The following PEG3 variants were observed in gnomAD, a reference collection of about 807,000 sequenced individuals.
PEG3 encodes the protein paternally-expressed gene 3 protein.
PEG3 carries 23 observed loss-of-function variants against 35.5 expected under a neutral mutation model. The observed-to-expected ratio is 0.65, with a 90% CI of 0.47 to 0.92. The LOEUF is 0.92. PEG3 is among the 40% of genes least tolerant of loss of function. PEG3 has a pLI of 0.00. For missense variants in PEG3, 1,960 were observed against 1,985.3 expected (o/e 0.99, Z 0.24); for synonymous variants, 707 against 697.0 (o/e 1.01, Z -0.23).
rs145933493 is a variant in PEG3 at position 56,821,712 on chromosome 19, G to T, written c.608C>A (p.Thr203Lys). The T allele has an allele frequency of 3.0e-5, 49 of 1,613,884 alleles. No individual in the cohort carries two copies. The African/African-American group carries it at 6.1e-4, about 20-fold the overall frequency. Reference protein sequence around the residue: ...RDLSLPVVAKTSFEMDREDDR... With the variant: ...RDLSLPVVAKKSFEMDREDDR... ...GTCCTCTCTGTCCATTTCAAAGCTTGTTTTCGCCACCACAGGAAGGGAAAG... is the reference window on the plus strand; with the variant it reads ...GTCCTCTCTGTCCATTTCAAAGCTTTTTTTCGCCACCACAGGAAGGGAAAG... Residue 203 changes from threonine (T) to lysine (K), a missense_variant, in exon 7 of 10, where the codon ACA (threonine) becomes AAA (lysine). By Grantham distance (78) the Thr-to-Lys change is moderately conservative (BLOSUM62 -1). Around this residue, in one of 5 missense-constraint regions of PEG3, gnomAD observed 613 missense variants for 577.1 expected, o/e 1.06. Transcript: ENST00000326441.
In PEG3 at chr19:56,813,416, C is replaced by A. The variant is rs775223474; in HGVS notation, c.*259G>T. On this transcript the variant is annotated 3_prime_UTR_variant, in exon 10 of 10. Transcript: ENST00000326441. ...GTCTGGAATACTCATAGGGTTTTCT[C>A]AATCTGATTACTTGGAAAGGTAAGA... is the stretch of plus-strand genomic sequence containing the variant. 23 of 1,282,690 alleles carry A rather than the reference C, an allele frequency of 1.8e-5. No homozygotes were observed. Among genetic ancestry groups the A allele is most frequent in the Non-Finnish European group, 2.3e-5 (23 of 1,013,430 alleles). The allele number at this position is 1,282,690 out of a possible 1,614,324, so 79.5% of individuals were successfully genotyped here.
intron 2 of PEG3, chr19:56,833,419 C>G (rs2061768124): frequency 3.0e-6 from 1 of 337,152 alleles, no homozygotes; most frequent in African/African-American, 2.2e-5. Context: ...TCCTGCCTCT[C>G]TCTGCAGACC....
At chr19:56,833,179 T>A in intron 2 of PEG3, 2 of 517,326 alleles carry the variant, frequency 3.9e-6, no homozygotes, top group South Asian at 1.4e-5. Flanking sequence ...CCACATCCCA[T>A]CTGATGCAGG....
At position 56,810,177 on chromosome 19, in the gene PEG3, G is replaced by A; in HGVS notation, c.*3498C>T. ...AAAAACCTGTGCACAGAAACAAGAT[G>A]AAGAAAATATATCAAGATGTTAACC... On this transcript the variant is annotated 3_prime_UTR_variant, in exon 10 of 10. Coordinates refer to ENST00000326441, the MANE Select transcript of PEG3 (RefSeq NM_006210.3). The A allele has an allele frequency of 2.0e-6, 2 of 980,058 alleles. No individual in the cohort carries two copies. The highest frequency in any genetic ancestry group is 4.7e-5 in the South Asian group (1 of 21,184). The allele number at this position is 980,058 out of a possible 1,614,324, so 60.7% of individuals were successfully genotyped here.
At chr19:56,838,140 G>C (rs918106532) in intron 1 of PEG3, among the ~76,000 whole-genome samples, 1 of 152,174 alleles carries the variant, frequency 6.6e-6, no homozygotes, top group Non-Finnish European at 1.5e-5. Context: ...GACCCCGTCA[G>C]TCACTCAGTC....
At position 56,810,250 on chromosome 19, in the gene PEG3, C is replaced by T. The variant is rs184965266; in HGVS notation, c.*3425G>A. The T allele has an allele frequency of 1.0e-6, 1 of 983,554 alleles. No homozygotes were observed. Among genetic ancestry groups the T allele is most frequent in the African/African-American group, 1.7e-5 (1 of 57,324 alleles). The allele number at this position is 983,554 out of a possible 1,614,324, so 60.9% of individuals were successfully genotyped here. On this transcript the variant is annotated 3_prime_UTR_variant, in exon 10 of 10. Coordinates refer to ENST00000326441, the MANE Select transcript of PEG3 (RefSeq NM_006210.3). Reference sequence around the variant, plus strand: ...ATGGGTGAGTTTCTCTTCTACATTTCTGTAACTTCAAAGTTTCTATAATGA... The same window carrying T: ...ATGGGTGAGTTTCTCTTCTACATTTTTGTAACTTCAAAGTTTCTATAATGA...
At chr19:56,817,888 C>G in intron 8 of PEG3, 53 bp from the exon 9 acceptor site, 3 of 1,401,858 alleles carry the variant, frequency 2.1e-6, no homozygotes, top group Non-Finnish European at 3.0e-6. Flanking sequence ...AGGACCAAGA[C>G]TCATCACCAT....
rs1360328771 is a variant in PEG3, at chr19:56,815,090, C to T, written c.3352G>A (p.Asp1118Asn). Residue 1118 changes from aspartate (D) to asparagine (N), a missense_variant, in exon 10 of 10, where the codon GAT (aspartate) becomes AAT (asparagine). Transcript: ENST00000326441. Reference sequence around the variant, plus strand: ...TGATGGTCTGTGAGGTCTGTGAGATCCACAAAGCCCAGGCCACAGTCCTCA... The same window carrying T: ...TGATGGTCTGTGAGGTCTGTGAGATTCACAAAGCCCAGGCCACAGTCCTCA... ...ECEDCGLGFV[D>N]LTDLTDHQKV... The T allele has an allele frequency of 6.2e-7, 1 of 1,613,678 alleles. No homozygotes were observed. Among genetic ancestry groups the T allele is most frequent in the African/African-American group, 1.3e-5 (1 of 75,044 alleles).
In PEG3 at chr19:56,814,659, T is replaced by G. The variant is rs753741262; in HGVS notation, c.3783A>C (p.Glu1261Asp). Residue 1261 changes from glutamate to aspartate, a missense_variant, in exon 10 of 10, where the codon GAA becomes GAC. Around this residue, in one of 5 missense-constraint regions of PEG3, gnomAD observed 416 missense variants for 416.7 expected, o/e 1.00. Transcript: ENST00000326441. This position sits in a 1 kb window ranked among gnomAD's most constrained non-coding sequence, Gnocchi z 5.8. The part of the protein sequence containing the change: ...DLLEQSQMAE[E>D]AIIPGLALTE... ...TGAGGGCTAAGCCTGGAATGATAGC[T>G]TCCTCAGCCATCTGGCTCTGCTCCA... 1 of 1,614,152 alleles carries G rather than the reference T, an allele frequency of 6.2e-7. No homozygotes were observed. Among genetic ancestry groups the G allele is most frequent in the Non-Finnish European group, 8.5e-7 (1 of 1,180,018 alleles).
At position 56,817,136 on chromosome 19, in the gene PEG3, A is replaced by C. The variant is rs1218542154; in HGVS notation, c.1306T>G (p.Ser436Ala). The change falls in exon 10 of 10, where the codon TCC (serine) becomes GCC (alanine). Residue 436 changes from serine (S) to alanine (A), a missense_variant. Ser to Ala is a moderately conservative substitution (Grantham distance 99). Coordinates refer to ENST00000326441, the MANE Select transcript of PEG3 (RefSeq NM_006210.3). ...GGCTGTGACTCGGTAAAGGAGGGGG[A>C]GCTGAGGCTGCTCAGGCTGCTCACG... ...MSVSSLSSLS[S>A]PSFTESQPID... 2 of 1,613,990 alleles carry C rather than the reference A, an allele frequency of 1.2e-6. No individual in the cohort carries two copies. Among genetic ancestry groups the C allele is most frequent in the Non-Finnish European group, 8.5e-7 (1 of 1,179,956 alleles).
chr19:56,822,668 T>A, intron 6 of PEG3, 85 bp downstream of exon 6: 1 of 1,544,392 alleles, frequency 6.5e-7, no homozygotes, highest in Non-Finnish European at 8.8e-7. Flanking sequence ...AGCAGAAACT[T>A]CGAGGCCCTG....
intron 7 of PEG3, 91 bp downstream of exon 7, chr19:56,821,560 G>T: frequency 1.3e-6 from 2 of 1,495,108 alleles, no homozygotes. Flanking sequence ...GGACTCTAGG[G>T]GGCAGATAAA....
At chr19:56,836,354 G>A (rs1279686966) in intron 1 of PEG3, among the ~76,000 whole-genome samples, 2 of 152,074 alleles carry the variant, frequency 1.3e-5, no homozygotes, top group Non-Finnish European at 2.9e-5. Context: ...TCAATTTCTG[G>A]GGTGTCTTAC....
Position 56,814,984 on chromosome 19 carries a change from T to G in PEG3, c.3458A>C (p.Tyr1153Ser), listed in dbSNP as rs145519551. The G allele has an allele frequency of 6.8e-6, 11 of 1,614,100 alleles. No homozygotes were observed. In the East Asian group the frequency reaches 2.5e-4, roughly 36 times the overall value. The change falls in exon 10 of 10, where the codon TAT becomes TCT. Residue 1153 changes from tyrosine to serine, a missense_variant. Transcript: ENST00000326441. This position sits in a 1 kb window ranked among gnomAD's most constrained non-coding sequence, Gnocchi z 5.8. ...CTGCTCTCCAGTGTAATCTCTCTGA[T>G]ACTCGCTGATGGAATGGGTGTGAAT... is the stretch of plus-strand genomic sequence containing the variant. ...SVIHTHSISE[Y>S]QRDYTGEQLY...
At chr19:56,836,969 CAAAAAAAA>C (rs573566620) in intron 1 of PEG3, among the ~76,000 whole-genome samples, 4 of 116,986 alleles carry the variant, frequency 3.4e-5, no homozygotes, top group East Asian at 5.8e-4. Flanking sequence ...GACTCTGTCT[CAAAAAAAA>C]AAAAAAAAAA....
rs758242925 is a variant in PEG3 at position 56,815,401 on chromosome 19, T to G, written c.3041A>C (p.Asp1014Ala). 13 of 1,614,122 alleles carry G rather than the reference T, an allele frequency of 8.1e-6. No individual in the cohort carries two copies. The highest frequency in any genetic ancestry group is 1.1e-5 in the Non-Finnish European group (13 of 1,179,994). Reference sequence around the variant, plus strand: ...CTCTTGGGCGTAACTTGTTTGAGGGTCAGTAGGGGCCAAGCTGCGAATGAC... The same window carrying G: ...CTCTTGGGCGTAACTTGTTTGAGGGGCAGTAGGGGCCAAGCTGCGAATGAC... ...WSVIRSLAPT[D>A]PQTSYAQEQY... is the part of the protein sequence containing the mutation. Residue 1014 changes from aspartate to alanine, a missense_variant, in exon 10 of 10, where the codon GAC becomes GCC. By Grantham distance (126) the Asp-to-Ala change is moderately radical (BLOSUM62 -2). This residue lies in a region of PEG3 where 798 missense variants were observed against 782.4 expected (regional missense o/e 1.02). Coordinates refer to ENST00000326441, the MANE Select transcript of PEG3 (RefSeq NM_006210.3).
At chr19:56,836,643 G>A (rs1015164717) in intron 1 of PEG3, among the ~76,000 whole-genome samples, 9 of 152,106 alleles carry the variant, frequency 5.9e-5, no homozygotes, top group Non-Finnish European at 1.2e-4. Context: ...AGTCAGGTGG[G>A]CATATTTTGG....
chr19:56,839,285 C>T (rs1024873575), intron 1 of PEG3, among the ~76,000 whole-genome samples: 15 of 149,728 alleles, frequency 1.0e-4, no homozygotes, highest in East Asian at 6.0e-4. Flanking sequence ...TCTAGGTGGG[C>T]GGGGCCTGAG....
chr19:56,812,507 G>A lies in PEG3; in HGVS notation c.*1168C>T, dbSNP rs529608384. ...TAAGTTAGCGATAGAAAGATCTAAG[G>A]ATACTAGCTCCTGGGCACCTAGGGT... On this transcript the variant is annotated 3_prime_UTR_variant, in exon 10 of 10. Coordinates refer to ENST00000326441, the MANE Select transcript of PEG3 (RefSeq NM_006210.3). The A allele has an allele frequency of 1.0e-6, 1 of 985,430 alleles. No individual in the cohort carries two copies. The highest frequency in any genetic ancestry group is 1.2e-6 in the Non-Finnish European group (1 of 829,778). 61.0% of individuals were successfully genotyped at this position (985,430 alleles called of 1,614,324 possible).
Sources: allele counts gnomAD v4.1 joint callset (sites outside exome capture counted in the v4.1 genomes callset), GRCh38; gene constraint gnomAD v4.1.1; regional missense constraint gnomAD v4.1.1; non-coding constraint Gnocchi (gnomAD v3.1); transcripts MANE v1.5; gene names NCBI Gene and HGNC (gene_info 2026-07-23, HGNC 2026-07-21).